The following PTPRB variants were observed in gnomAD, a reference collection of about 807,000 sequenced individuals.
PTPRB encodes receptor-type tyrosine-protein phosphatase beta.
Under a neutral mutation model 238.1 loss-of-function variants are expected in PTPRB, and 97 were observed. That is an observed-to-expected ratio of 0.41 (90% CI 0.35 to 0.48). PTPRB has a LOEUF of 0.48. Ranked by LOEUF, PTPRB falls within the 20% of genes least tolerant of loss-of-function variation. PTPRB has a pLI of 0.30. For missense variants in PTPRB, 2,292 were observed against 2,681.9 expected, an observed-to-expected ratio of 0.85 and a Z score of 3.21; for synonymous variants, 970 against 995.4, an observed-to-expected ratio of 0.97 and a Z score of 0.48.
At chr12:70,562,452 T>G (rs1878614212) in intron 16 of PTPRB, among the ~76,000 whole-genome samples, 1 of 152,170 alleles carries the variant, frequency 6.6e-6, no homozygotes. Flanking sequence ...CACTGCCTGT[T>G]TGTTATATTT....
In PTPRB at chr12:70,560,637, C is replaced by T; in HGVS notation, c.4432+34G>A. On this transcript the variant is annotated intron_variant, in intron 17 of 33. Transcript: ENST00000334414. The surrounding 1 kb of genome is among the most constrained non-coding windows in gnomAD (Gnocchi z 4.2). ...ATGTGTCTCTGGAAGCTACTTCCCACCATCCCTTGGCCATTGGCACCTGGG... is the reference window on the plus strand; with the variant it reads ...ATGTGTCTCTGGAAGCTACTTCCCATCATCCCTTGGCCATTGGCACCTGGG... The T allele has an allele frequency of 1.2e-6, 2 of 1,607,370 alleles. No homozygotes were observed. The highest frequency in any genetic ancestry group is 1.7e-6 in the Non-Finnish European group (2 of 1,175,802).
At chr12:70,528,148 T>C (rs1350755128) in intron 32 of PTPRB, among the ~76,000 whole-genome samples, 3 of 152,180 alleles carry the variant, frequency 2.0e-5, no homozygotes, top group African/African-American at 4.8e-5. Flanking sequence ...CTTACTGCAA[T>C]GTTTATTTCA....
intron 18 of PTPRB, among the ~76,000 whole-genome samples, chr12:70,557,972 G>C (rs1310608443): frequency 6.6e-6 from 1 of 152,198 alleles, no homozygotes; most frequent in Non-Finnish European, 1.5e-5. Context: ...TCTGTTTTCT[G>C]TTGTCAGGGT....
Position 70,594,704 on chromosome 12 carries a change from T to C in PTPRB, c.1279A>G (p.Ile427Val), listed in dbSNP as rs539359500. The C allele has an allele frequency of 1.9e-6, 3 of 1,613,984 alleles. No individual in the cohort carries two copies. In the South Asian group the frequency reaches 3.3e-5, roughly 18 times the overall value. ...GSTVPSPVKD[I>V]GISTKANSLL... The stretch of plus-strand genomic sequence containing the variant: ...GAATTGGCTTTTGTGGAAATACCAA[T>C]ATCTTTCACTGGAGATGGCACTAGT... The change falls in exon 6 of 34, where the codon ATT becomes GTT. Residue 427 changes from isoleucine to valine, a missense_variant. Physicochemically the swap from Ile to Val is conservative, Grantham distance 29. Around this residue, in one of 4 missense-constraint regions of PTPRB, gnomAD observed 1,205 missense variants for 1,287.8 expected, o/e 0.94. Coordinates refer to ENST00000334414, the MANE Select transcript of PTPRB (RefSeq NM_001109754.4).
At chr12:70,549,281 T>C (rs180965561) in intron 21 of PTPRB, among the ~76,000 whole-genome samples, 25 of 152,318 alleles carry the variant, frequency 1.6e-4, no homozygotes, top group African/African-American at 5.8e-4. Flanking sequence ...TTAGAGATCA[T>C]GTGGTTCAAT....
intron 20 of PTPRB, among the ~76,000 whole-genome samples, chr12:70,554,846 A>G (rs2136306349): frequency 6.6e-6 from 1 of 152,348 alleles, no homozygotes; most frequent in Non-Finnish European, 1.5e-5. Flanking sequence ...ATTACATGCA[A>G]TGCACTTCCA....
Position 70,560,449 on chromosome 12 carries a change from T to C in PTPRB, c.4432+222A>G, listed in dbSNP as rs923199815. On this transcript the variant is annotated intron_variant, in intron 17 of 33. Transcript: ENST00000334414. This position sits in a 1 kb window ranked among gnomAD's most constrained non-coding sequence, Gnocchi z 4.2. ...TAAGAAAACTGAGGCCTAGAGATGC[T>C]CAATGACTTGCCCAGATTCATAGAG... Among the ~76,000 whole-genome samples the C allele has an allele frequency of 6.6e-6, 1 of 152,182 alleles. No individual in the cohort carries two copies. The highest frequency in any genetic ancestry group is 1.5e-5 in the Non-Finnish European group (1 of 68,044).
intron 15 of PTPRB, among the ~76,000 whole-genome samples, chr12:70,565,175 TC>T (rs1274968443): frequency 5.9e-5 from 9 of 152,062 alleles, no homozygotes; most frequent in Non-Finnish European, 7.4e-5. Flanking sequence ...TTCAATCCAT[TC>T]CCCCATTGCT....
chr12:70,530,492 A>G (rs1463048007), intron 32 of PTPRB, among the ~76,000 whole-genome samples: 1 of 59,726 alleles, frequency 1.7e-5, no homozygotes, highest in Non-Finnish European at 3.1e-5. Context: ...CATGTATTAC[A>G]CACATACATA....
chr12:70,632,108 A>C (rs1354063873), intron 2 of PTPRB, among the ~76,000 whole-genome samples: 1 of 152,146 alleles, frequency 6.6e-6, no homozygotes, highest in Non-Finnish European at 1.5e-5. Context: ...AAATCAAGCT[A>C]CTATAAAGAC....
chr12:70,574,032 C>T (rs995360127), intron 11 of PTPRB, among the ~76,000 whole-genome samples: 3 of 152,080 alleles, frequency 2.0e-5, no homozygotes, highest in Admixed American at 6.6e-5. Context: ...TACTATTTCA[C>T]GGTAACTGGA....
At chr12:70,578,631 T>C (rs1453427658) in intron 10 of PTPRB, among the ~76,000 whole-genome samples, 1 of 151,776 alleles carries the variant, frequency 6.6e-6, no homozygotes, top group Non-Finnish European at 1.5e-5. Context: ...CTAATTAAAA[T>C]ATAAATAAAA....
chr12:70,611,140 C>T (rs2136550694), intron 3 of PTPRB, among the ~76,000 whole-genome samples: 1 of 152,254 alleles, frequency 6.6e-6, no homozygotes, highest in East Asian at 1.9e-4. Context: ...TTCTAATTTT[C>T]AAATCAGCGG....
rs551636455 is a variant in PTPRB at position 70,517,671 on chromosome 12, T to A, written c.*3818A>T. 6.6e-6 allele frequency: 1 copy of A among 152,284 alleles called. No homozygotes were observed. Among genetic ancestry groups the A allele is most frequent in the South Asian group, 2.1e-4 (1 of 4,830 alleles). The allele number at this position is 152,284 out of a possible 1,614,324, so 9.4% of individuals were successfully genotyped here. ...GGAACCCAGAAAGCCCTTGAACTGC[T>A]ATCATATACAAGCAGTTTATTACCT... is the stretch of plus-strand genomic sequence containing the variant. On this transcript the variant is annotated 3_prime_UTR_variant, in exon 34 of 34. Coordinates refer to ENST00000334414, the MANE Select transcript of PTPRB (RefSeq NM_001109754.4).
intron 28 of PTPRB, chr12:70,537,936 G>C (rs1874424096): frequency 2.1e-6 from 1 of 465,558 alleles, no homozygotes; most frequent in Non-Finnish European, 3.8e-6. Context: ...AATGCATCTT[G>C]GGCTCATAAT....
chr12:70,567,353 A>G (rs11178296), intron 14 of PTPRB, among the ~76,000 whole-genome samples: 35,192 of 152,060 alleles, frequency 0.23, 4,762 homozygotes, highest in African/African-American at 0.38. Context: ...TTTGCAAATT[A>G]CATCTCTCCC....
At chr12:70,617,095 C>T (rs964587143) in intron 3 of PTPRB, among the ~76,000 whole-genome samples, 4 of 152,142 alleles carry the variant, frequency 2.6e-5, no homozygotes, top group Admixed American at 2.0e-4. Context: ...CAAGGGTTAA[C>T]TATATGTTCA....
chr12:70,535,004 T>C, intron 29 of PTPRB, 49 bp from the exon 30 acceptor site: 3 of 1,573,960 alleles, frequency 1.9e-6, no homozygotes, highest in Non-Finnish European at 2.6e-6. Flanking sequence ...AGTGACTCCT[T>C]GGTGAACCTG....
At chr12:70,597,407 A>T (rs1883127952) in intron 4 of PTPRB, among the ~76,000 whole-genome samples, 1 of 152,202 alleles carries the variant, frequency 6.6e-6, no homozygotes, top group Non-Finnish European at 1.5e-5. Context: ...GAACTTGAAT[A>T]GAATAAAAAG....
Sources: gnomAD v4.1 joint callset for allele counts (sites outside exome capture counted in the v4.1 genomes callset) on GRCh38, gnomAD v4.1.1 for gene constraint, gnomAD v4.1.1 regional missense constraint, Gnocchi (gnomAD v3.1) non-coding constraint, MANE v1.5 for transcripts, NCBI Gene and HGNC (gene_info 2026-07-23, HGNC 2026-07-21) for gene names.